PER2: variants seen among roughly 807,000 people sequenced by gnomAD.
PER2 encodes period circadian protein homolog 2.
PER2 carries 66 observed loss-of-function variants against 121.0 expected under a neutral mutation model. The ratio of observed to expected loss-of-function variants is 0.55; its 90% confidence interval spans 0.45 to 0.67. The LOEUF (loss-of-function observed/expected upper bound fraction) is 0.67, where lower values mean the gene tolerates loss of function less well. Among genes scored for constraint, PER2 ranks in the 30% least tolerant of loss-of-function variants. The pLI is 0.00. For synonymous variants in PER2, 684 were observed against 659.9 expected (o/e 1.04, Z -0.56); for missense variants, 1,521 against 1,635.0 (o/e 0.93, Z 1.20).
At chr2:238,270,067 T>C (rs1696237359) in intron 6 of PER2, among the ~76,000 whole-genome samples, 1 of 152,230 alleles carries the variant, frequency 6.6e-6, no homozygotes, top group Non-Finnish European at 1.5e-5. Flanking sequence ...CCTCTGTTCT[T>C]AAGTCCCTGT....
rs1176120493 is a variant in PER2 at position 238,245,660 on chromosome 2, G to A, written c.*715C>T. 1 of 398,382 alleles carries A rather than the reference G, an allele frequency of 2.5e-6. No homozygotes were observed. Among genetic ancestry groups the A allele is most frequent in the African/African-American group, 2.1e-5 (1 of 48,554 alleles). 24.7% of individuals were successfully genotyped at this position (398,382 alleles called of 1,614,324 possible). On this transcript the variant is annotated 3_prime_UTR_variant, in exon 23 of 23. Transcript: ENST00000254657. ...AAGAATAATGCAGAAATATACAGAG[G>A]GTCTGTCTGCGTGTGCATTCATCCG... is the stretch of plus-strand genomic sequence containing the variant.
chr2:238,278,082 C>CTG, intron 1 of PER2, 127 bp from the exon 2 acceptor site: 1 of 993,006 alleles, frequency 1.0e-6, no homozygotes, highest in Non-Finnish European at 1.5e-6. Context: ...TCTTTCTTCT[C>CTG]TCTGTCTCTC....
At chr2:238,283,267 G>A (rs962260894) in intron 1 of PER2, among the ~76,000 whole-genome samples, 3 of 152,218 alleles carry the variant, frequency 2.0e-5, no homozygotes, top group Non-Finnish European at 2.9e-5. Flanking sequence ...CCAAGGGGGT[G>A]AGCACCCAGC....
In PER2 at chr2:238,275,881, T is replaced by A; in HGVS notation, c.310A>T (p.Lys104Ter). The A allele has an allele frequency of 6.2e-7, 1 of 1,614,242 alleles. No individual in the cohort carries two copies. Among genetic ancestry groups the A allele is most frequent in the East Asian group, 2.2e-5 (1 of 44,878 alleles). Reference protein sequence around the residue: ...TSGCSSDQSSKVDTHKELIKT... With the variant: ...TSGCSSDQSS ...ATCAGTTCTTTGTGTGTGTCCACTT[T>A]CGAAGACTGGTCGCTACTGCAGGAT... Residue 104 changes from lysine (K) to a stop codon, truncating the protein, a stop_gained, in exon 4 of 23, where the codon AAA (lysine) becomes TAA (stop). Transcript: ENST00000254657. LOFTEE classifies it high-confidence loss of function.
At chr2:238,298,606 A>G in the PER2 span, 1 of 152,266 alleles carries the variant, frequency 6.6e-6, no homozygotes, top group Non-Finnish European at 1.5e-5. Context: ...CGCTGCAGAT[A>G]TCACACGAGG....
At chr2:238,255,598 C>T (rs916916869) in intron 18 of PER2, 59 bp downstream of exon 18, 4 of 1,555,362 alleles carry the variant, frequency 2.6e-6, no homozygotes, top group Non-Finnish European at 3.5e-6. Flanking sequence ...CAGCACTGGA[C>T]TCAGTACCAA....
intron 4 of PER2, among the ~76,000 whole-genome samples, chr2:238,274,322 G>A (rs976791074): frequency 1.3e-5 from 2 of 152,196 alleles, no homozygotes; most frequent in Non-Finnish European, 2.9e-5. Context: ...AACAGGCCCC[G>A]GACACATGAA....
chr2:238,264,925 C>T (rs577838857), intron 9 of PER2, among the ~76,000 whole-genome samples: 77 of 152,340 alleles, frequency 5.1e-4, no homozygotes, highest in African/African-American at 1.6e-3. Flanking sequence ...TAAGTGTGAG[C>T]CACTGCACCT....
At chr2:238,289,181 C>G (rs1421364765), upstream of PER2, 3 of 152,212 alleles carry the variant, frequency 2.0e-5, no homozygotes, top group Non-Finnish European at 4.4e-5. Flanking sequence ...GCGCCGAAGC[C>G]GGACGAGGGA....
chr2:238,256,862 C>T, intron 17 of PER2, 60 bp downstream of exon 17: 1 of 1,553,796 alleles, frequency 6.4e-7, no homozygotes, highest in Non-Finnish European at 8.8e-7. Context: ...AGATGGCAAA[C>T]TTCTTGTTTT....
At position 238,252,999 on chromosome 2, in the gene PER2, C is replaced by A. The variant is rs891276705; in HGVS notation, c.3024G>T (p.Gly1008=). 11 of 1,613,978 alleles carry A rather than the reference C, an allele frequency of 6.8e-6. No homozygotes were observed. Among genetic ancestry groups the A allele is most frequent in the Admixed American group, 1.7e-5 (1 of 60,030 alleles). Residue 1008 remains glycine, a synonymous_variant, in exon 19 of 23, where the codon GGG becomes GGT. Transcript: ENST00000254657. This position sits in a 1 kb window ranked among gnomAD's most constrained non-coding sequence, Gnocchi z 4.2. ...CTGCTGTCTCTGTGGCCCCTGTGGTCCCCATGGCTCCAGTGCCACCCTCAG... is the reference window on the plus strand; with the variant it reads ...CTGCTGTCTCTGTGGCCCCTGTGGTACCCATGGCTCCAGTGCCACCCTCAG... ...EAPEGGTGAM[G]TTGATETAAV... is the part of the protein sequence containing the mutation.
intron 1 of PER2, among the ~76,000 whole-genome samples, chr2:238,280,808 G>A (rs1042430020): frequency 6.6e-6 from 1 of 152,060 alleles, no homozygotes; most frequent in Non-Finnish European, 1.5e-5. Context: ...ACCAGAGACA[G>A]ATCTGAATCT....
intron 1 of PER2, among the ~76,000 whole-genome samples, chr2:238,279,357 T>C (rs1413867150): frequency 6.6e-6 from 1 of 152,282 alleles, no homozygotes; most frequent in African/African-American, 2.4e-5. Flanking sequence ...ACGGTCTACA[T>C]GGTGCGCAGG....
rs1179199467 is a variant in PER2, at chr2:238,246,332, C to T, written c.*43G>A. 1.3e-6 allele frequency: 2 copies of T among 1,502,128 alleles called. No individual in the cohort carries two copies. The highest frequency in any genetic ancestry group is 4.6e-5 in the East Asian group (2 of 43,288). The allele number at this position is 1,502,128 out of a possible 1,614,324, so 93.0% of individuals were successfully genotyped here. ...GATCTTTCATCTCTTCCAAGCACCA[C>T]CTGGTGTACCTCGCTGGCTGCCGGG... On this transcript the variant is annotated 3_prime_UTR_variant, in exon 23 of 23. Transcript: ENST00000254657.
chr2:238,281,434 C>T (rs571661640), intron 1 of PER2, among the ~76,000 whole-genome samples: 2 of 152,312 alleles, frequency 1.3e-5, no homozygotes, highest in South Asian at 4.1e-4. Context: ...CCCAAAATGC[C>T]AGCATCATTC....
intron 4 of PER2, among the ~76,000 whole-genome samples, chr2:238,273,888 G>C (rs1277224402): frequency 2.6e-5 from 4 of 152,134 alleles, no homozygotes; most frequent in African/African-American, 4.8e-5. Flanking sequence ...GGATGGTCTC[G>C]ATCTCTTGAC....
intron 12 of PER2, 87 bp from the exon 13 acceptor site, chr2:238,261,040 G>A: frequency 6.6e-7 from 1 of 1,521,538 alleles, no homozygotes; most frequent in Non-Finnish European, 9.0e-7. Context: ...CTGTTTCGCA[G>A]AGAGGATGGC....
chr2:238,277,653 A>G, intron 2 of PER2, 54 bp downstream of exon 2: 3 of 1,595,570 alleles, frequency 1.9e-6, no homozygotes, highest in Non-Finnish European at 1.7e-6. Context: ...AGCAGAAATG[A>G]GCCACTGAGA....
chr2:238,262,040 A>C (rs1245516358), intron 11 of PER2, 151 bp downstream of exon 11: 4 of 850,696 alleles, frequency 4.7e-6, no homozygotes, highest in Admixed American at 1.9e-5. Context: ...ACCCCTGCCT[A>C]GCAGTCTGGG....
Sources: gnomAD v4.1 joint callset for allele counts (sites outside exome capture counted in the v4.1 genomes callset) on GRCh38, gnomAD v4.1.1 for gene constraint, Gnocchi (gnomAD v3.1) non-coding constraint, MANE v1.5 for transcripts, NCBI Gene and HGNC (gene_info 2026-07-23, HGNC 2026-07-21) for gene names.